Variants in NMRAL1 observed in about 807,000 individuals in gnomAD.
The protein encoded by NMRAL1 is NmrA like redox sensor 1.
Under a neutral mutation model 27.5 loss-of-function variants are expected in NMRAL1, and 32 were observed. The observed-to-expected ratio is 1.16, with a 90% confidence interval of 0.88 to 1.56. The LOEUF is 1.56. Ranked by LOEUF, NMRAL1 falls within the 40% of genes most tolerant of loss-of-function variation. NMRAL1 has a pLI of 0.00. For synonymous variants in NMRAL1, 166 were observed against 166.8 expected (o/e 1.00, Z 0.04); for missense variants, 420 against 392.0 (o/e 1.07, Z -0.60).
At chr16:4,467,539 G>C (rs758068866) in intron 3 of NMRAL1, among the ~76,000 whole-genome samples, 2 of 151,630 alleles carry the variant, frequency 1.3e-5, no homozygotes, top group African/African-American at 2.4e-5. Flanking sequence ...TGGCCTCCAA[G>C]ACTCTGGAGA....
At chr16:4,471,326 G>A (rs2057556002) in intron 2 of NMRAL1, 1 of 151,980 alleles carries the variant, frequency 6.6e-6, no homozygotes, top group Non-Finnish European at 1.5e-5. Context: ...TTAAGATTTT[G>A]CGCGTTGCAG....
Position 4,466,304 on chromosome 16 carries a change from G to T in NMRAL1, c.378C>A (p.Ala126=). 1.2e-6 allele frequency: 2 copies of T among 1,613,988 alleles called. No individual in the cohort carries two copies. Among genetic ancestry groups the T allele is most frequent in the Non-Finnish European group, 1.7e-6 (2 of 1,180,040 alleles). ...NIKKLTAGRL[A]AAHFDGKGEV... is the part of the protein sequence containing the mutation. ...CCCCTTTGCCGTCAAAGTGCGCGGCGGCCAATCTCCCTGCCGTCAGCTTCT... is the reference window on the plus strand; with the variant it reads ...CCCCTTTGCCGTCAAAGTGCGCGGCTGCCAATCTCCCTGCCGTCAGCTTCT... Residue 126 remains alanine (A), a synonymous_variant, in exon 4 of 6, where the codon GCC becomes GCA. Transcript: ENST00000283429.
Position 4,461,715 on chromosome 16 carries a change from C to T in NMRAL1, c.*65G>A. 1 of 1,438,170 alleles carries T rather than the reference C, an allele frequency of 7.0e-7. No homozygotes were observed. The highest frequency in any genetic ancestry group is 9.5e-7 in the Non-Finnish European group (1 of 1,056,642). 89.1% of individuals were successfully genotyped at this position (1,438,170 alleles called of 1,614,324 possible). ...CATCTGGGAGAACAATGGCTTTATT[C>T]AGATGTTGGTGCCTCTGCCCCTCTG... is the stretch of plus-strand genomic sequence containing the variant. On this transcript the variant is annotated 3_prime_UTR_variant, in exon 6 of 6. Transcript: ENST00000283429.
chr16:4,466,371 AGG>A lies in NMRAL1; in HGVS notation c.309_310del (p.Leu104GlyfsTer27), dbSNP rs745710283. 1 of 1,613,078 alleles carries A rather than the reference AGG, an allele frequency of 6.2e-7. No individual in the cohort carries two copies. The highest frequency in any genetic ancestry group is 1.9e-4 in the Middle Eastern group (1 of 5,354). On this transcript the variant is annotated frameshift_variant, in exon 4 of 6. Coordinates refer to ENST00000283429, the MANE Select transcript of NMRAL1 (RefSeq NM_020677.6). LOFTEE classifies it high-confidence loss of function. ...GCTGTAGACCACATAGTGGAGGCCC[AGG>A]CGCCTGGCCAGATCAGCGAGCAGCT...
chr16:4,466,349 G>A lies in NMRAL1; in HGVS notation c.333C>T (p.Tyr111=), dbSNP rs766482299. Reference sequence around the variant, plus strand: ...GCTTCTTGATGTTCTCCAGGCCGCTGTAGACCACATAGTGGAGGCCCAGGC... The same window carrying A: ...GCTTCTTGATGTTCTCCAGGCCGCTATAGACCACATAGTGGAGGCCCAGGC... The part of the protein sequence containing the change: ...ARRLGLHYVV[Y]SGLENIKKLT... Residue 111 remains tyrosine (Y), a synonymous_variant, in exon 4 of 6, where the codon TAC becomes TAT. Transcript: ENST00000283429. 1.2e-6 allele frequency: 2 copies of A among 1,613,794 alleles called. No individual in the cohort carries two copies. The highest frequency in any genetic ancestry group is 1.1e-5 in the South Asian group (1 of 91,060).
Position 4,474,086 on chromosome 16 carries a change from G to C in NMRAL1, c.40+7C>G. The stretch of plus-strand genomic sequence containing the variant: ...CTGCAAGGGCCCCAGTCTGGGGTTT[G>C]GCTCACCTGTGCCTCCGAAAACCAC... On this transcript the variant is annotated splice_region_variant and intron_variant, in intron 2 of 5. Transcript: ENST00000283429. The C allele has an allele frequency of 3.1e-6, 5 of 1,610,622 alleles. No homozygotes were observed. Among genetic ancestry groups the C allele is most frequent in the Non-Finnish European group, 4.2e-6 (5 of 1,177,790 alleles).
At chr16:4,463,592 A>G in intron 5 of NMRAL1, 68 bp downstream of exon 5, 1 of 1,452,770 alleles carries the variant, frequency 6.9e-7, no homozygotes. Context: ...AGCCCTGGAC[A>G]CACCCTCCCT....
intron 2 of NMRAL1, among the ~76,000 whole-genome samples, chr16:4,470,030 C>T (rs987765112): frequency 2.0e-5 from 3 of 151,252 alleles, no homozygotes; most frequent in Non-Finnish European, 4.4e-5. Context: ...GGCGTGGTGG[C>T]ACCCGCCTGT....
chr16:4,465,960 T>C (rs945170981), intron 4 of NMRAL1, among the ~76,000 whole-genome samples, 193 bp downstream of exon 4: 8 of 152,224 alleles, frequency 5.3e-5, no homozygotes, highest in Middle Eastern at 3.4e-3. Context: ...CCTGCAAACA[T>C]TGGTATAGAG....
chr16:4,470,155 C>T (rs2057502698), intron 2 of NMRAL1, among the ~76,000 whole-genome samples: 2 of 115,886 alleles, frequency 1.7e-5, no homozygotes, highest in African/African-American at 7.2e-5. Flanking sequence ...AAGTGAGATT[C>T]CCTCTCAAAA....
chr16:4,465,767 A>C (rs945042363), intron 4 of NMRAL1, among the ~76,000 whole-genome samples: 1 of 152,010 alleles, frequency 6.6e-6, no homozygotes, highest in Non-Finnish European at 1.5e-5. Context: ...GGGTTTCACC[A>C]TGTTGGCCAG....
intron 2 of NMRAL1, among the ~76,000 whole-genome samples, chr16:4,472,386 G>A (rs143833894): frequency 1.2e-4 from 19 of 152,114 alleles, no homozygotes; most frequent in East Asian, 7.7e-4. Context: ...AGGTTGCAGC[G>A]AGCAGAGATC....
chr16:4,468,941 A>G (rs1459769529), intron 3 of NMRAL1, among the ~76,000 whole-genome samples: 1 of 149,034 alleles, frequency 6.7e-6, no homozygotes, highest in Admixed American at 6.9e-5. Flanking sequence ...AGTGGAAATT[A>G]CTTTTTAAAA....
intron 2 of NMRAL1, 59 bp from the exon 3 acceptor site, chr16:4,469,524 C>T (rs753075659): frequency 2.6e-5 from 41 of 1,603,490 alleles, no homozygotes; most frequent in Non-Finnish European, 3.2e-5. Context: ...CACTGAAGGG[C>T]GAAACCCCGA....
chr16:4,465,364 C>T lies in NMRAL1; in HGVS notation c.529+789G>A, dbSNP rs542511468. 7.2e-5 allele frequency among the ~76,000 whole-genome samples: 11 copies of T among 152,294 alleles called. 1 individual carries two copies. The South Asian group carries it at 2.1e-3, about 29-fold the overall frequency. On this transcript the variant is annotated intron_variant, in intron 4 of 5. Coordinates refer to ENST00000283429, the MANE Select transcript of NMRAL1 (RefSeq NM_020677.6). ...GGTAAGGAGTGGCCAGCCAGAGGCA[C>T]CAACCCCTCCTGCCCTGATCACTGA...
intron 2 of NMRAL1, chr16:4,469,697 C>G: frequency 1.2e-6 from 1 of 809,944 alleles, no homozygotes; most frequent in East Asian, 2.8e-5. Flanking sequence ...GAAACCCCGC[C>G]TCTATCAAAA....
chr16:4,470,537 C>G (rs1187453244), intron 2 of NMRAL1, among the ~76,000 whole-genome samples: 1 of 152,080 alleles, frequency 6.6e-6, no homozygotes, highest in East Asian at 1.9e-4. Context: ...AAACCATATT[C>G]AGGCTGGGTG....
rs1028624555 is a variant in NMRAL1 at position 4,474,464 on chromosome 16, G to A, written c.-35+90C>T. 3 of 314,010 alleles carry A rather than the reference G, an allele frequency of 9.6e-6. No individual in the cohort carries two copies. The Admixed American group carries it at 1.4e-4, about 15-fold the overall frequency. 19.5% of individuals were successfully genotyped at this position (314,010 alleles called of 1,614,324 possible). A position where few individuals can be genotyped will look rare whatever the true frequency, so the allele number is the denominator to read the frequency against. ...GGGCGGGACAAGTTCCAGGAGCCCG[G>A]GACCCCGATTCTGCGGCCGAGTCCA... is the stretch of plus-strand genomic sequence containing the variant. On this transcript the variant is annotated intron_variant, in intron 1 of 5. Coordinates refer to ENST00000283429, the MANE Select transcript of NMRAL1 (RefSeq NM_020677.6).
chr16:4,469,578 C>A, intron 2 of NMRAL1, 113 bp from the exon 3 acceptor site: 5 of 1,536,772 alleles, frequency 3.3e-6, no homozygotes, highest in South Asian at 1.2e-5. Context: ...GAAACCTTCT[C>A]AACGACGATT....
Sources: gnomAD v4.1 joint callset for allele counts (sites outside exome capture counted in the v4.1 genomes callset) on GRCh38, gnomAD v4.1.1 for gene constraint, MANE v1.5 for transcripts, NCBI Gene and HGNC (gene_info 2026-07-23, HGNC 2026-07-21) for gene names.